SLC22A23: variants seen among roughly 807,000 people sequenced by gnomAD.
SLC22A23 encodes ion transporter protein.
Under a neutral mutation model 61.0 loss-of-function variants are expected in SLC22A23, and 26 were observed. The ratio of observed to expected loss-of-function variants is 0.43; its 90% CI spans 0.31 to 0.59. The LOEUF (loss-of-function observed/expected upper bound fraction) is 0.59. Ranked by LOEUF, SLC22A23 falls within the 20% of genes least tolerant of loss-of-function variation. The pLI is 0.11. For missense variants in SLC22A23, 796 were observed against 934.7 expected (o/e 0.85, Z 1.94); for synonymous variants, 430 against 413.9 (o/e 1.04, Z -0.47).
rs530840408 is a variant in SLC22A23, at chr6:3,388,993, C to T, written c.913+21195G>A. Among the ~76,000 whole-genome samples, 16 of 152,060 alleles carry T rather than the reference C, an allele frequency of 1.1e-4. No individual in the cohort carries two copies. The South Asian group carries it at 2.1e-3, about 20-fold the overall frequency. ...GAAAAAGTTCTGTGGTGGCTGCGGG[C>T]GTGGTGGCTCACTCCTGTAATCCCA... On this transcript the variant is annotated intron_variant, in intron 3 of 9. Coordinates refer to ENST00000406686, the MANE Select transcript of SLC22A23 (RefSeq NM_015482.2).
chr6:3,413,403 G>C (rs1459800719), intron 2 of SLC22A23, among the ~76,000 whole-genome samples: 2 of 152,218 alleles, frequency 1.3e-5, no homozygotes, highest in Non-Finnish European at 2.9e-5. Context: ...TCGGCCAGGA[G>C]CTGGCGGGCA....
Position 3,419,440 on chromosome 6 carries a change from T to A in SLC22A23, c.655-3585A>T, listed in dbSNP as rs184440261. ...CCTATGGTTTCAAATGTGATTTTGGTCCTGCCAATCAGGTGCACACCCCAA... is the reference window on the plus strand; with the variant it reads ...CCTATGGTTTCAAATGTGATTTTGGACCTGCCAATCAGGTGCACACCCCAA... On this transcript the variant is annotated intron_variant, in intron 1 of 9. Coordinates refer to ENST00000406686, the MANE Select transcript of SLC22A23 (RefSeq NM_015482.2). Among the ~76,000 whole-genome samples the A allele has an allele frequency of 1.5e-4, 23 of 152,342 alleles. No homozygotes were observed. The East Asian group carries it at 4.4e-3, about 29-fold the overall frequency.
intron 3 of SLC22A23, among the ~76,000 whole-genome samples, chr6:3,373,642 A>AGAGAGAAGAAGAAGAAAAAAAT (rs1766366157): frequency 6.6e-6 from 1 of 152,232 alleles, no homozygotes; most frequent in African/African-American, 2.4e-5. Flanking sequence ...AAGAAAAAAA[A>AGAGAGAAGAAGAAGAAAAAAAT]GAAAGAAGAA....
At chr6:3,388,748 A>C (rs139453105) in intron 3 of SLC22A23, among the ~76,000 whole-genome samples, 30 of 152,360 alleles carry the variant, frequency 2.0e-4, no homozygotes, top group Non-Finnish European at 3.8e-4. Context: ...AGAAGGAAGA[A>C]AATCTTGTCC....
intron 2 of SLC22A23, among the ~76,000 whole-genome samples, chr6:3,413,938 G>A (rs746870843): frequency 3.3e-5 from 5 of 152,154 alleles, no homozygotes; most frequent in Non-Finnish European, 7.3e-5. Context: ...CCCATCTGAG[G>A]AGGAACCTCA....
chr6:3,342,514 T>G lies in SLC22A23; in HGVS notation c.914-18512A>C, dbSNP rs561702514. Among the ~76,000 whole-genome samples the G allele has an allele frequency of 1.3e-5, 2 of 152,176 alleles. No individual in the cohort carries two copies. The highest frequency in any genetic ancestry group is 2.1e-4 in the South Asian group (1 of 4,814). ...CCCTGAAAACAGTGCTTCTCAAAGG[T>G]GGGGCCTCCTTGACCCACAGCATCA... is the stretch of plus-strand genomic sequence containing the variant. On this transcript the variant is annotated intron_variant, in intron 3 of 9. Coordinates refer to ENST00000406686, the MANE Select transcript of SLC22A23 (RefSeq NM_015482.2). The surrounding 1 kb of genome is among the most constrained non-coding windows in gnomAD (Gnocchi z 4.0).
chr6:3,401,774 T>C (rs772188275), intron 3 of SLC22A23, among the ~76,000 whole-genome samples: 1 of 152,206 alleles, frequency 6.6e-6, no homozygotes, highest in Admixed American at 6.5e-5. Context: ...ACAGAGCCCC[T>C]GGGTGAGCTC....
intron 3 of SLC22A23, among the ~76,000 whole-genome samples, chr6:3,350,857 T>G (rs1764728187): frequency 6.6e-6 from 1 of 152,194 alleles, no homozygotes; most frequent in African/African-American, 2.4e-5. Context: ...GGGGAGCTGG[T>G]CTCACTGCCC....
In SLC22A23 at chr6:3,360,777, G is replaced by A. The variant is rs896528228; in HGVS notation, c.914-36775C>T. On this transcript the variant is annotated intron_variant, in intron 3 of 9. Coordinates refer to ENST00000406686, the MANE Select transcript of SLC22A23 (RefSeq NM_015482.2). This position sits in a 1 kb window ranked among gnomAD's most constrained non-coding sequence, Gnocchi z 4.6. ...GGTGTGCAGGCACCCCCATGCAGAC[G>A]GGCCCCTCTGATGGAGACCTGCGTT... is the stretch of plus-strand genomic sequence containing the variant. 4.6e-5 allele frequency among the ~76,000 whole-genome samples: 7 copies of A among 152,202 alleles called. No homozygotes were observed. In the East Asian group the frequency reaches 5.8e-4, roughly 13 times the overall value.
rs901221916 is a variant in SLC22A23, at chr6:3,410,836, G to A, written c.759-494C>T. Among the ~76,000 whole-genome samples, 33 of 152,080 alleles carry A rather than the reference G, an allele frequency of 2.2e-4. No individual in the cohort carries two copies. Among genetic ancestry groups the A allele is most frequent in the Admixed American group, 3.9e-4 (6 of 15,274 alleles). On this transcript the variant is annotated intron_variant, in intron 2 of 9. Transcript: ENST00000406686. This position sits in a 1 kb window ranked among gnomAD's most constrained non-coding sequence, Gnocchi z 5.0. ...ACCTGATCCTACACACAGCCTATCC[G>A]AGCCAGGGCCAAGCCATCTGTCAAT...
rs1300705691 is a variant in SLC22A23 at position 3,410,829 on chromosome 6, C to T, written c.759-487G>A. On this transcript the variant is annotated intron_variant, in intron 2 of 9. Coordinates refer to ENST00000406686, the MANE Select transcript of SLC22A23 (RefSeq NM_015482.2). The surrounding 1 kb of genome is among the most constrained non-coding windows in gnomAD (Gnocchi z 5.0). ...GTCAGATACCTGATCCTACACACAG[C>T]CTATCCGAGCCAGGGCCAAGCCATC... Among the ~76,000 whole-genome samples the T allele has an allele frequency of 6.6e-6, 1 of 152,166 alleles. No homozygotes were observed. Among genetic ancestry groups the T allele is most frequent in the Admixed American group, 6.5e-5 (1 of 15,282 alleles).
At chr6:3,287,628 G>A (rs545195086) in intron 6 of SLC22A23, among the ~76,000 whole-genome samples, 1 of 151,978 alleles carries the variant, frequency 6.6e-6, no homozygotes, top group South Asian at 2.1e-4. Context: ...TGGAGGAGTC[G>A]GGCAGAAGCC....
chr6:3,384,623 T>C (rs1472089391), intron 3 of SLC22A23, among the ~76,000 whole-genome samples: 1 of 152,216 alleles, frequency 6.6e-6, no homozygotes, highest in Non-Finnish European at 1.5e-5. Context: ...TTTTTAAAAA[T>C]GTCAATAAAA....
rs187262179 is a variant in SLC22A23, at chr6:3,278,566, G to A, written c.1704-5154C>T. 5.4e-3 allele frequency among the ~76,000 whole-genome samples: 820 copies of A among 152,346 alleles called. 8 individuals carry two copies. The Middle Eastern group carries it at 0.061, about 11-fold the overall frequency. ...TCTAGGACATCAACAGGCACGTGCT[G>A]TTTGTGCTTAATAAATACCGGATGC... On this transcript the variant is annotated intron_variant, in intron 9 of 9. Transcript: ENST00000406686.
Position 3,386,106 on chromosome 6 carries a change from T to C in SLC22A23, c.913+24082A>G, listed in dbSNP as rs1767287359. On this transcript the variant is annotated intron_variant, in intron 3 of 9. Coordinates refer to ENST00000406686, the MANE Select transcript of SLC22A23 (RefSeq NM_015482.2). The surrounding 1 kb of genome is among the most constrained non-coding windows in gnomAD (Gnocchi z 4.4). ...GTGGTCACTGATGAGGGGACTTCAATCGGCTTGAAGAACTCACACCTTTCC... is the reference window on the plus strand; with the variant it reads ...GTGGTCACTGATGAGGGGACTTCAACCGGCTTGAAGAACTCACACCTTTCC... Among the ~76,000 whole-genome samples, 1 of 152,128 alleles carries C rather than the reference T, an allele frequency of 6.6e-6. No individual in the cohort carries two copies. The highest frequency in any genetic ancestry group is 2.1e-4 in the South Asian group (1 of 4,820).
chr6:3,445,895 G>T (rs761470172), intron 1 of SLC22A23, among the ~76,000 whole-genome samples: 3 of 152,132 alleles, frequency 2.0e-5, no homozygotes, highest in African/African-American at 4.8e-5. Context: ...CTGCAGTGAT[G>T]GGGAGCCATG....
At chr6:3,366,220 C>T (rs759544741) in intron 3 of SLC22A23, among the ~76,000 whole-genome samples, 2 of 149,928 alleles carry the variant, frequency 1.3e-5, no homozygotes, top group Non-Finnish European at 3.0e-5. Flanking sequence ...GTAGTCCCAG[C>T]TACTAGGAAG....
At position 3,324,728 on chromosome 6, in the gene SLC22A23, C is replaced by G. The variant is rs1390992447; in HGVS notation, c.914-726G>C. 1.3e-5 allele frequency among the ~76,000 whole-genome samples: 2 copies of G among 152,234 alleles called. No homozygotes were observed. Among genetic ancestry groups the G allele is most frequent in the Non-Finnish European group, 2.9e-5 (2 of 68,046 alleles). On this transcript the variant is annotated intron_variant, in intron 3 of 9. Coordinates refer to ENST00000406686, the MANE Select transcript of SLC22A23 (RefSeq NM_015482.2). This position sits in a 1 kb window ranked among gnomAD's most constrained non-coding sequence, Gnocchi z 4.3. ...TGAGTCATGCATCCTTTCTCTGTCTCTATTGGACACCACCCCCGGGCAAGG... is the reference window on the plus strand; with the variant it reads ...TGAGTCATGCATCCTTTCTCTGTCTGTATTGGACACCACCCCCGGGCAAGG...
intron 4 of SLC22A23, among the ~76,000 whole-genome samples, chr6:3,320,536 C>G (rs1762889181): frequency 6.6e-6 from 1 of 152,234 alleles, no homozygotes; most frequent in Non-Finnish European, 1.5e-5. Flanking sequence ...TAAAGGAAAG[C>G]AAGCAACTTT....
Sources: allele counts gnomAD v4.1 joint callset (sites outside exome capture counted in the v4.1 genomes callset), GRCh38; gene constraint gnomAD v4.1.1; non-coding constraint Gnocchi (gnomAD v3.1); transcripts MANE v1.5; gene names NCBI Gene and HGNC (gene_info 2026-07-23, HGNC 2026-07-21).